The following GKAP1 variants were observed in gnomAD, a reference collection of about 807,000 sequenced individuals.
GKAP1 encodes the protein G kinase-anchoring protein 1.
In GKAP1, 31 loss-of-function variants were observed where a neutral mutation model predicts 56.7. That is an observed-to-expected ratio of 0.55 (90% confidence interval 0.41 to 0.74). The LOEUF is 0.74. Ranked by LOEUF, GKAP1 falls within the 30% of genes least tolerant of loss-of-function variation. The pLI is 0.00. For missense variants in GKAP1, 364 were observed against 402.3 expected (o/e 0.90, Z 0.82); for synonymous variants, 151 against 138.6 (o/e 1.09, Z -0.63).
intron 6 of GKAP1, among the ~76,000 whole-genome samples, 179 bp from the exon 7 acceptor site, chr9:83,780,583 T>C (rs1476114449): frequency 6.6e-6 from 1 of 152,154 alleles, no homozygotes; most frequent in Non-Finnish European, 1.5e-5. Flanking sequence ...GTTTAAGATG[T>C]TAAAATTCAG....
At chr9:83,759,209 T>C (rs1943528867) in intron 8 of GKAP1, among the ~76,000 whole-genome samples, 1 of 152,194 alleles carries the variant, frequency 6.6e-6, no homozygotes, top group Non-Finnish European at 1.5e-5. Flanking sequence ...TGTTAAAGTA[T>C]TTTACTACAT....
intron 3 of GKAP1, among the ~76,000 whole-genome samples, chr9:83,802,170 T>C (rs1408934131): frequency 6.6e-6 from 1 of 152,112 alleles, no homozygotes; most frequent in Non-Finnish European, 1.5e-5. Flanking sequence ...GGGCCTTCCA[T>C]ACAGTTTTTA....
intron 3 of GKAP1, among the ~76,000 whole-genome samples, chr9:83,803,313 G>A (rs990650951): frequency 6.6e-6 from 1 of 151,214 alleles, no homozygotes; most frequent in Non-Finnish European, 1.5e-5. Context: ...GCCGAAGCTG[G>A]ACTGTACTGC....
At chr9:83,776,427 C>T (rs1943863334) in intron 7 of GKAP1, among the ~76,000 whole-genome samples, 1 of 152,178 alleles carries the variant, frequency 6.6e-6, no homozygotes, top group Non-Finnish European at 1.5e-5. Context: ...AGGCCAGGTG[C>T]AGTGGCTCAC....
intron 7 of GKAP1, among the ~76,000 whole-genome samples, chr9:83,777,158 A>C (rs1943877845): frequency 6.6e-6 from 1 of 152,172 alleles, no homozygotes; most frequent in Non-Finnish European, 1.5e-5. Context: ...TTTGACAACC[A>C]CTGTTACAGT....
At chr9:83,743,346 G>C (rs1337130251) in intron 10 of GKAP1, among the ~76,000 whole-genome samples, 1 of 151,998 alleles carries the variant, frequency 6.6e-6, no homozygotes, top group Non-Finnish European at 1.5e-5. Context: ...TGTAATCCTA[G>C]CACTTTGGGA....
At chr9:83,767,565 T>C (rs1034825038) in intron 8 of GKAP1, among the ~76,000 whole-genome samples, 1 of 152,184 alleles carries the variant, frequency 6.6e-6, no homozygotes, top group African/African-American at 2.4e-5. Context: ...TTTCACCATG[T>C]TGGCCAGGCT....
chr9:83,745,163 T>C (rs1027156054), intron 10 of GKAP1, among the ~76,000 whole-genome samples: 8 of 152,072 alleles, frequency 5.3e-5, no homozygotes, highest in Non-Finnish European at 1.0e-4. Flanking sequence ...TCCAAGCAGC[T>C]GGGACCATAG....
chr9:83,781,936 C>T (rs1943980319), intron 6 of GKAP1, among the ~76,000 whole-genome samples: 1 of 150,964 alleles, frequency 6.6e-6, no homozygotes, highest in South Asian at 2.1e-4. Context: ...CTCTGCCTCC[C>T]GGGTTCAAGT....
intron 4 of GKAP1, among the ~76,000 whole-genome samples, chr9:83,796,516 G>C (rs1483093690): frequency 6.6e-6 from 1 of 151,948 alleles, no homozygotes; most frequent in African/African-American, 2.4e-5. Flanking sequence ...TGTTGCCCAG[G>C]CTGGAGTGCA....
At chr9:83,777,515 A>T (rs886526494) in intron 7 of GKAP1, among the ~76,000 whole-genome samples, 1 of 152,208 alleles carries the variant, frequency 6.6e-6, no homozygotes, top group Non-Finnish European at 1.5e-5. Context: ...AAGAAAAAAG[A>T]AATAATGAAA....
intron 10 of GKAP1, among the ~76,000 whole-genome samples, chr9:83,745,432 T>C (rs1266928026): frequency 6.6e-6 from 1 of 152,200 alleles, no homozygotes; most frequent in East Asian, 1.9e-4. Flanking sequence ...GTTACAAGTA[T>C]TTTCATGTAA....
chr9:83,782,913 A>G (rs1416462369), intron 6 of GKAP1, among the ~76,000 whole-genome samples: 3 of 151,882 alleles, frequency 2.0e-5, no homozygotes, highest in African/African-American at 7.3e-5. Context: ...AAATGGATCT[A>G]CCTGCGTTGT....
intron 3 of GKAP1, among the ~76,000 whole-genome samples, chr9:83,806,012 G>C (rs1944434080): frequency 6.6e-6 from 1 of 152,232 alleles, no homozygotes; most frequent in Non-Finnish European, 1.5e-5. Flanking sequence ...AGCTACTTGG[G>C]AGGCTAAGGT....
intron 3 of GKAP1, among the ~76,000 whole-genome samples, chr9:83,804,574 G>A (rs1401476340): frequency 7.9e-5 from 10 of 125,842 alleles, no homozygotes; most frequent in Non-Finnish European, 1.7e-4. Context: ...GAGGGAGGTG[G>A]GGGGGTCAGC....
intron 5 of GKAP1, among the ~76,000 whole-genome samples, chr9:83,787,903 A>C (rs1944090738): frequency 6.6e-6 from 1 of 152,202 alleles, no homozygotes; most frequent in Non-Finnish European, 1.5e-5. Flanking sequence ...ACTCTGGCAG[A>C]GGGTCTCTCA....
rs1477491546 is a variant in GKAP1 at position 83,788,592 on chromosome 9, T to C, written c.438+9A>G. The C allele has an allele frequency of 1.4e-6, 2 of 1,464,340 alleles. No individual in the cohort carries two copies. The highest frequency in any genetic ancestry group is 1.8e-5 in the Admixed American group (1 of 56,644). 90.7% of individuals were successfully genotyped at this position (1,464,340 alleles called of 1,614,324 possible). A position where few individuals can be genotyped will look rare whatever the true frequency, so the allele number is the denominator to read the frequency against. On this transcript the variant is annotated intron_variant, in intron 5 of 12. Transcript: ENST00000376371. ...TCTAAAATATCTAAATCAGTAAGTA[T>C]GTAAATACCTTTTTGTGCTCTTCAT... is the stretch of plus-strand genomic sequence containing the variant.
At chr9:83,810,799 TTAA>T (rs1944496582) in intron 2 of GKAP1, among the ~76,000 whole-genome samples, 1 of 152,274 alleles carries the variant, frequency 6.6e-6, no homozygotes, top group South Asian at 2.1e-4. Flanking sequence ...CAAGCATCAC[TTAA>T]TGATGGGGAT....
intron 8 of GKAP1, among the ~76,000 whole-genome samples, chr9:83,756,085 G>A (rs946722149): frequency 5.3e-5 from 8 of 151,896 alleles, no homozygotes; most frequent in Non-Finnish European, 1.0e-4. Flanking sequence ...GATTACAAGC[G>A]TGACCCACCG....
Sources: allele counts gnomAD v4.1 joint callset (sites outside exome capture counted in the v4.1 genomes callset), GRCh38; gene constraint gnomAD v4.1.1; transcripts MANE v1.5; gene names NCBI Gene and HGNC (gene_info 2026-07-23, HGNC 2026-07-21).